SMOC2: variants seen among roughly 807,000 people sequenced by gnomAD.
The protein encoded by SMOC2 is SPARC related modular calcium binding 2.
SMOC2 carries 39 observed loss-of-function variants against 61.4 expected under a neutral mutation model. The observed-to-expected ratio is 0.64, with a 90% CI of 0.49 to 0.83. SMOC2 has a LOEUF of 0.83. Ranked by LOEUF, SMOC2 falls within the 40% of genes least tolerant of loss-of-function variation. The pLI is 0.00. For synonymous variants in SMOC2, 247 were observed against 239.9 expected, an observed-to-expected ratio of 1.03 and a Z score of -0.27; for missense variants, 556 against 592.9, an observed-to-expected ratio of 0.94 and a Z score of 0.65.
chr6:168,441,973 C>T (rs1051348615), intron 1 of SMOC2, among the ~76,000 whole-genome samples: 1 of 152,238 alleles, frequency 6.6e-6, no homozygotes, highest in Non-Finnish European at 1.5e-5. Context: ...TTCTCCCGAC[C>T]GCTTTGGGCT....
At chr6:168,476,047 G>C (rs1782074874) in intron 1 of SMOC2, among the ~76,000 whole-genome samples, 1 of 152,140 alleles carries the variant, frequency 6.6e-6, no homozygotes, top group South Asian at 2.1e-4. Context: ...GAGGTTTTAG[G>C]AAGTCACCCA....
intron 1 of SMOC2, among the ~76,000 whole-genome samples, chr6:168,445,748 A>G (rs1476422373): frequency 6.6e-6 from 1 of 152,202 alleles, no homozygotes; most frequent in African/African-American, 2.4e-5. Flanking sequence ...AACTAAACAT[A>G]ATCAAAATTT....
In SMOC2 at chr6:168,468,238, T is replaced by G. The variant is rs571244341; in HGVS notation, c.84+26784T>G. On this transcript the variant is annotated intron_variant, in intron 1 of 12. Transcript: ENST00000356284. Reference sequence around the variant, plus strand: ...ATCGAGGGACACAGGGCGCTGCGGGTTCTTTGCTTCCCATGGTGATCGCAG... The same window carrying G: ...ATCGAGGGACACAGGGCGCTGCGGGGTCTTTGCTTCCCATGGTGATCGCAG... Among the ~76,000 whole-genome samples the G allele has an allele frequency of 2.8e-4, 42 of 152,266 alleles. No homozygotes were observed. In the South Asian group the frequency reaches 7.9e-3, roughly 29 times the overall value.
At chr6:168,655,626 A>G (rs1562407892) in intron 11 of SMOC2, 1 of 338,588 alleles carries the variant, frequency 3.0e-6, no homozygotes, top group Non-Finnish European at 5.9e-6. Context: ...TGTGTGCTGG[A>G]TCCCCTCACA....
At chr6:168,525,430 G>C (rs1783431591) in intron 2 of SMOC2, among the ~76,000 whole-genome samples, 1 of 152,214 alleles carries the variant, frequency 6.6e-6, no homozygotes, top group Non-Finnish European at 1.5e-5. Context: ...GATTGTGCAA[G>C]TTAGGGAGAA....
At chr6:168,540,086 A>C (rs908402106) in intron 4 of SMOC2, among the ~76,000 whole-genome samples, 4 of 152,224 alleles carry the variant, frequency 2.6e-5, no homozygotes, top group African/African-American at 9.6e-5. Flanking sequence ...CACGGTTGCA[A>C]TAGACATTGC....
In SMOC2 at chr6:168,664,384, C is replaced by T. The variant is rs113536678; in HGVS notation, c.1323+273C>T. The T allele has an allele frequency of 2.7e-3, 894 of 330,192 alleles. 9 individuals carry two copies. The highest frequency in any genetic ancestry group is 0.015 in the Middle Eastern group (22 of 1,480). The allele number at this position is 330,192 out of a possible 1,614,324, so 20.5% of individuals were successfully genotyped here. ...TTCTGAGTTTCCTTGTTTGGTAGAT[C>T]TTTTTTTTTTTTTTTTTTTTTTTTT... On this transcript the variant is annotated intron_variant, in intron 12 of 12. Coordinates refer to ENST00000356284, the MANE Select transcript of SMOC2 (RefSeq NM_001166412.2).
chr6:168,462,949 A>G (rs1781747436), intron 1 of SMOC2, among the ~76,000 whole-genome samples: 1 of 152,106 alleles, frequency 6.6e-6, no homozygotes, highest in Admixed American at 6.6e-5. Context: ...GATTCAAATG[A>G]CCTCTATAAA....
intron 9 of SMOC2, among the ~76,000 whole-genome samples, chr6:168,631,291 T>G (rs1786564056): frequency 6.6e-6 from 1 of 152,062 alleles, no homozygotes. Flanking sequence ...CGGGGCCGAT[T>G]CCCCGATACT....
At position 168,533,909 on chromosome 6, in the gene SMOC2, A is replaced by G. The variant is rs1228866739; in HGVS notation, c.463+6182A>G. 2.0e-5 allele frequency among the ~76,000 whole-genome samples: 3 copies of G among 152,176 alleles called. No individual in the cohort carries two copies. The South Asian group carries it at 6.2e-4, about 32-fold the overall frequency. On this transcript the variant is annotated intron_variant, in intron 4 of 12. Coordinates refer to ENST00000356284, the MANE Select transcript of SMOC2 (RefSeq NM_001166412.2). ...ACAATGAGAGGTGGTCACTTCAGCAATCAAGCCACAATATCAAATATAAAT... is the reference window on the plus strand; with the variant it reads ...ACAATGAGAGGTGGTCACTTCAGCAGTCAAGCCACAATATCAAATATAAAT...
At chr6:168,616,071 G>A (rs1482996107) in intron 9 of SMOC2, among the ~76,000 whole-genome samples, 2 of 152,176 alleles carry the variant, frequency 1.3e-5, no homozygotes, top group Non-Finnish European at 2.9e-5. Flanking sequence ...ACAGGAGCCG[G>A]CCAGGACCTC....
intron 9 of SMOC2, among the ~76,000 whole-genome samples, chr6:168,630,103 C>T (rs970565560): frequency 2.6e-5 from 4 of 152,088 alleles, no homozygotes; most frequent in Non-Finnish European, 5.9e-5. Flanking sequence ...TCGTTCATCT[C>T]CAACTCAGGG....
At chr6:168,664,382 ATCTTTTTTTTTTTTTT>A (rs766224926) in intron 12 of SMOC2, 3 of 302,564 alleles carry the variant, frequency 9.9e-6, no homozygotes, top group Middle Eastern at 5.9e-4. Context: ...TGTTTGGTAG[ATCTTTTTTTTTTTTTT>A]TTTTTTTTTT....
chr6:168,547,204 G>T (rs1389841991), intron 6 of SMOC2, 35 bp downstream of exon 6: 1 of 1,599,540 alleles, frequency 6.3e-7, no homozygotes, highest in Admixed American at 1.7e-5. Context: ...GTCTGGGTTG[G>T]GGAGGAGTGC....
Position 168,630,949 on chromosome 6 carries a change from A to C in SMOC2, c.908-19732A>C, listed in dbSNP as rs570286335. Among the ~76,000 whole-genome samples, 357 of 152,310 alleles carry C rather than the reference A, an allele frequency of 2.3e-3. 2 individuals are homozygous for C. Among genetic ancestry groups the C allele is most frequent in the Non-Finnish European group, 2.6e-3 (174 of 68,030 alleles). ...TCCTGATAAGATGTTATCAATGACA[A>C]TGGTGCCCAAAACTTCATTAGCAAT... On this transcript the variant is annotated intron_variant, in intron 9 of 12. Coordinates refer to ENST00000356284, the MANE Select transcript of SMOC2 (RefSeq NM_001166412.2).
intron 7 of SMOC2, among the ~76,000 whole-genome samples, chr6:168,584,310 A>T (rs1356562848): frequency 1.3e-5 from 2 of 152,186 alleles, no homozygotes; most frequent in African/African-American, 4.8e-5. Context: ...CCTAAACTGA[A>T]TTGAGACATT....
rs535318762 is a variant in SMOC2 at position 168,501,799 on chromosome 6, C to T, written c.85-8116C>T. ...CAGCCTTGCTTGGTTGTGTGTGCAT[C>T]CTGAGAGGTCCGTCTTGATTCCCCA... On this transcript the variant is annotated intron_variant, in intron 1 of 12. Coordinates refer to ENST00000356284, the MANE Select transcript of SMOC2 (RefSeq NM_001166412.2). Among the ~76,000 whole-genome samples, 74 of 152,326 alleles carry T rather than the reference C, an allele frequency of 4.9e-4. No individual in the cohort carries two copies. The South Asian group carries it at 0.015, about 32-fold the overall frequency.
At position 168,540,359 on chromosome 6, in the gene SMOC2, G is replaced by A. The variant is rs73789103; in HGVS notation, c.464-3266G>A. 4.1e-3 allele frequency among the ~76,000 whole-genome samples: 620 copies of A among 152,346 alleles called. 1 individual carries two copies. Among genetic ancestry groups the A allele is most frequent in the African/African-American group, 0.013 (543 of 41,584 alleles). Reference sequence around the variant, plus strand: ...CCGGAGGGGACCTCTCCCCAGCTGCGTGTCCAGCAGAGCACGTGGAGAGGC... The same window carrying A: ...CCGGAGGGGACCTCTCCCCAGCTGCATGTCCAGCAGAGCACGTGGAGAGGC... On this transcript the variant is annotated intron_variant, in intron 4 of 12. Transcript: ENST00000356284.
chr6:168,640,738 A>G (rs1487341471), intron 9 of SMOC2, among the ~76,000 whole-genome samples: 1 of 152,226 alleles, frequency 6.6e-6, no homozygotes, highest in Non-Finnish European at 1.5e-5. Flanking sequence ...GATACAAAAG[A>G]GGGAATGTTG....
Sources: gnomAD v4.1 joint callset for allele counts (sites outside exome capture counted in the v4.1 genomes callset) on GRCh38, gnomAD v4.1.1 for gene constraint, MANE v1.5 for transcripts, NCBI Gene and HGNC (gene_info 2026-07-23, HGNC 2026-07-21) for gene names.